The following TBX5 variants were observed in gnomAD, a reference collection of about 807,000 sequenced individuals.
TBX5 encodes the protein T-box transcription factor 5, also known as T-box transcription factor TBX5.
Under a neutral mutation model 51.1 loss-of-function variants are expected in TBX5, and 8 were observed. That is an observed-to-expected ratio of 0.16 (90% CI 0.09 to 0.28). The LOEUF is 0.28. Among genes scored for constraint, TBX5 ranks in the 10% least tolerant of loss-of-function variants. The pLI, the probability that TBX5 is intolerant of heterozygous loss-of-function variation, is 1.00. For synonymous variants in TBX5, 302 were observed against 266.4 expected (o/e 1.13, Z -1.30); for missense variants, 589 against 671.7 (o/e 0.88, Z 1.36).
chr12:114,377,181 GA>G (rs1870239579), intron 7 of TBX5, among the ~76,000 whole-genome samples: 1 of 152,108 alleles, frequency 6.6e-6, no homozygotes, highest in South Asian at 2.1e-4. Context: ...ATGTTGTCTC[GA>G]AAACCACTTC....
At chr12:114,358,653 A>T (rs934039334) in intron 8 of TBX5, among the ~76,000 whole-genome samples, 5 of 149,476 alleles carry the variant, frequency 3.3e-5, no homozygotes, top group African/African-American at 9.8e-5. Context: ...TACCAAAAAT[A>T]AAAAAAAAAG....
chr12:114,385,399 G>T, intron 7 of TBX5, 77 bp downstream of exon 7: 1 of 1,252,124 alleles, frequency 8.0e-7, no homozygotes, highest in Non-Finnish European at 1.2e-6. Context: ...GGAGGGAGGT[G>T]CTGGGTTGCT....
chr12:114,385,134 G>A (rs1291257296), intron 7 of TBX5, among the ~76,000 whole-genome samples: 4 of 150,846 alleles, frequency 2.7e-5, no homozygotes, highest in Non-Finnish European at 5.9e-5. Flanking sequence ...CATCGGCTGT[G>A]ACTTATGGGA....
chr12:114,399,735 G>C (rs535284360), intron 3 of TBX5, 103 bp from the exon 4 acceptor site: 56 of 1,575,714 alleles, frequency 3.6e-5, no homozygotes, highest in South Asian at 6.7e-5. Flanking sequence ...CTGGAGAAAC[G>C]TGGAAGCGGA....
chr12:114,407,119 C>CAGAGG, upstream of TBX5: 1 of 985,140 alleles, frequency 1.0e-6, no homozygotes, highest in Non-Finnish European at 1.2e-6. Context: ...CTGTGTAACC[C>CAGAGG]TCTGTGACTG....
At chr12:114,399,769 C>A (rs1474575740) in intron 3 of TBX5, 137 bp from the exon 4 acceptor site, 21 of 1,387,722 alleles carry the variant, frequency 1.5e-5, no homozygotes, top group Non-Finnish European at 1.9e-5. Context: ...CCGCTCTCCG[C>A]AAGATCCATC....
upstream of TBX5, among the ~76,000 whole-genome samples, chr12:114,406,329 C>T (rs945043550): frequency 6.6e-6 from 1 of 151,886 alleles, no homozygotes; most frequent in African/African-American, 2.4e-5. Context: ...CTTTCCCAAC[C>T]TCCATCCATC....
At chr12:114,370,123 T>A (rs1198425038) in intron 7 of TBX5, among the ~76,000 whole-genome samples, 1 of 151,686 alleles carries the variant, frequency 6.6e-6, no homozygotes, top group Admixed American at 6.6e-5. Context: ...GGCATGTACT[T>A]GGGAGGCTGA....
intron 8 of TBX5, among the ~76,000 whole-genome samples, chr12:114,359,809 T>C (rs17662467): frequency 0.094 from 14,273 of 152,266 alleles, 811 homozygotes; most frequent in South Asian, 0.18. Flanking sequence ...ATGGAGATAA[T>C]ACCTGAACTT....
At chr12:114,392,109 A>G (rs11067097) in intron 6 of TBX5, among the ~76,000 whole-genome samples, 5,447 of 151,470 alleles carry the variant, frequency 0.036, 290 homozygotes, top group African/African-American at 0.12. Flanking sequence ...GCATATATCC[A>G]AATGCGTATT....
rs553082966 is a variant in TBX5 at position 114,403,561 on chromosome 12, T to C, written c.147+191A>G. ...AAAGTAGATGGCAATACGCTAGCAT[T>C]TGGGGAGACAGGGCAGAGAAAGGTG... is the stretch of plus-strand genomic sequence containing the variant. On this transcript the variant is annotated intron_variant, in intron 2 of 8. Coordinates refer to ENST00000405440, the MANE Select transcript of TBX5 (RefSeq NM_181486.4). Among the ~76,000 whole-genome samples, 125 of 152,302 alleles carry C rather than the reference T, an allele frequency of 8.2e-4. 2 individuals are homozygous for C. The South Asian group carries it at 0.013, about 16-fold the overall frequency.
At chr12:114,383,560 G>A (rs1870633119) in intron 7 of TBX5, among the ~76,000 whole-genome samples, 2 of 152,114 alleles carry the variant, frequency 1.3e-5, no homozygotes, top group Admixed American at 1.3e-4. Context: ...CCTGATTTGT[G>A]TTTTACAAAG....
At chr12:114,401,110 A>G (rs1311445806) in intron 3 of TBX5, among the ~76,000 whole-genome samples, 1 of 152,136 alleles carries the variant, frequency 6.6e-6, no homozygotes, top group Admixed American at 6.5e-5. Flanking sequence ...ACTCACACTG[A>G]CATACAGAGC....
intron 6 of TBX5, among the ~76,000 whole-genome samples, chr12:114,392,793 T>C (rs1871233320): frequency 6.6e-6 from 1 of 152,116 alleles, no homozygotes; most frequent in Admixed American, 6.5e-5. Flanking sequence ...GGAAACAGGT[T>C]TCAAGGAGAC....
chr12:114,382,453 C>A (rs969148400), intron 7 of TBX5, among the ~76,000 whole-genome samples: 5 of 152,160 alleles, frequency 3.3e-5, no homozygotes, highest in African/African-American at 9.7e-5. Flanking sequence ...CACTTGAGTC[C>A]AGGGGTTCTA....
intron 7 of TBX5, among the ~76,000 whole-genome samples, chr12:114,368,818 T>C (rs559153204): frequency 2.0e-5 from 3 of 152,246 alleles, no homozygotes; most frequent in African/African-American, 4.8e-5. Context: ...CAAGTTTCCA[T>C]GAGTCTACAG....
At chr12:114,391,449 C>G (rs1164099509) in intron 6 of TBX5, among the ~76,000 whole-genome samples, 1 of 152,186 alleles carries the variant, frequency 6.6e-6, no homozygotes, top group Non-Finnish European at 1.5e-5. Flanking sequence ...AGTAGTCAAT[C>G]AATGGTCCAT....
chr12:114,378,803 A>AT (rs1296543081), intron 7 of TBX5, among the ~76,000 whole-genome samples: 20 of 151,848 alleles, frequency 1.3e-4, no homozygotes, highest in African/African-American at 2.9e-4. Flanking sequence ...CACCCAGCTA[A>AT]TTTTTTGTAT....
chr12:114,401,996 CA>C, intron 2 of TBX5, 76 bp from the exon 3 acceptor site: 1 of 1,271,782 alleles, frequency 7.9e-7, no homozygotes, highest in Non-Finnish European at 1.1e-6. Flanking sequence ...TCCCCCAAAA[CA>C]CAGAGACTGC....
Sources: allele counts gnomAD v4.1 joint callset (sites outside exome capture counted in the v4.1 genomes callset), GRCh38; gene constraint gnomAD v4.1.1; transcripts MANE v1.5; gene names NCBI Gene and HGNC (gene_info 2026-07-23, HGNC 2026-07-21).